Variants in NAALADL1 observed in about 807,000 individuals in gnomAD.
NAALADL1 encodes N-acetylated alpha-linked acidic dipeptidase like 1.
Under a neutral mutation model 82.8 loss-of-function variants are expected in NAALADL1, and 77 were observed. That is an observed-to-expected ratio of 0.93 (90% CI 0.77 to 1.12). The LOEUF (loss-of-function observed/expected upper bound fraction) is 1.12, where lower values mean the gene tolerates loss of function less well. NAALADL1 is among the 50% of genes most tolerant of loss of function. The probability of loss-of-function intolerance (pLI) is 0.00; values close to 1 mark genes in which losing one functional copy is unlikely to be tolerated. For synonymous variants in NAALADL1, 358 were observed against 399.2 expected (o/e 0.90, Z 1.23); for missense variants, 956 against 964.0 (o/e 0.99, Z 0.11).
chr11:65,057,998 T>A lies in NAALADL1; in HGVS notation c.359-2A>T, dbSNP rs1947092406. On this transcript the variant is annotated splice_acceptor_variant, in intron 2 of 17. Coordinates refer to ENST00000358658, the MANE Select transcript of NAALADL1 (RefSeq NM_005468.3). LOFTEE classifies it high-confidence loss of function. ...GGATGATGCCCCCAGTGGGGCCCAC[T>A]GTTGGAGGGGTGGCAGTATCATGGC... 3 of 1,614,162 alleles carry A rather than the reference T, an allele frequency of 1.9e-6. No individual in the cohort carries two copies. The African/African-American group carries it at 4.0e-5, about 22-fold the overall frequency.
At position 65,054,343 on chromosome 11, in the gene NAALADL1, C is replaced by CCGT; in HGVS notation, c.896_898dup (p.Asn299_Gly300insAsp). On this transcript the variant is annotated inframe_insertion, in exon 6 of 18. Coordinates refer to ENST00000358658, the MANE Select transcript of NAALADL1 (RefSeq NM_005468.3). The surrounding 1 kb of genome is among the most constrained non-coding windows in gnomAD (Gnocchi z 4.3). ...CTGCCAGGTGGCTGGGGCCAAAGTTCCGTTGAGGTTACTGGGGAGGAGGAA... is the reference window on the plus strand; with the variant it reads ...CTGCCAGGTGGCTGGGGCCAAAGTTCCGTCGTTGAGGTTACTGGGGAGGAGGAA... 6.2e-7 allele frequency: 1 copy of CCGT among 1,613,992 alleles called. No homozygotes were observed. The highest frequency in any genetic ancestry group is 8.5e-7 in the Non-Finnish European group (1 of 1,179,972).
rs1417876086 is a variant in NAALADL1 at position 65,053,015 on chromosome 11, T to G, written c.1198+203A>C. Among the ~76,000 whole-genome samples, 1 of 152,244 alleles carries G rather than the reference T, an allele frequency of 6.6e-6. No homozygotes were observed. The highest frequency in any genetic ancestry group is 1.5e-5 in the Non-Finnish European group (1 of 68,046). On this transcript the variant is annotated intron_variant, in intron 8 of 17. Coordinates refer to ENST00000358658, the MANE Select transcript of NAALADL1 (RefSeq NM_005468.3). This position sits in a 1 kb window ranked among gnomAD's most constrained non-coding sequence, Gnocchi z 4.3. ...TCCATCCAGGCACACGGGAGGCACTTGGAAGCGGCACATGAATCAACCCAC... is the reference window on the plus strand; with the variant it reads ...TCCATCCAGGCACACGGGAGGCACTGGGAAGCGGCACATGAATCAACCCAC...
At position 65,053,218 on chromosome 11, in the gene NAALADL1, C is replaced by T; in HGVS notation, c.1198G>A (p.Gly400Ser). The T allele has an allele frequency of 6.5e-7, 1 of 1,540,812 alleles. No homozygotes were observed. The highest frequency in any genetic ancestry group is 2.4e-5 in the East Asian group (1 of 41,362). Residue 400 changes from glycine (G) to serine (S), a missense_variant and splice_region_variant, in exon 8 of 18, where the codon GGC (glycine) becomes AGC (serine). Gly to Ser is a moderately conservative substitution (Grantham distance 56). Transcript: ENST00000358658. The surrounding 1 kb of genome is among the most constrained non-coding windows in gnomAD (Gnocchi z 4.3). The stretch of plus-strand genomic sequence containing the variant: ...GGTCCAGGGGAGGGGGCCGCCTCAC[C>T]CTTCTTCAGCAGGGTCCCCAGGACA... ...SRVLGTLLKK[G>S]TWRPRRSIVF...
At chr11:65,058,778 C>T (rs1462055565), upstream of NAALADL1, among the ~76,000 whole-genome samples, 1 of 152,194 alleles carries the variant, frequency 6.6e-6, no homozygotes, top group Non-Finnish European at 1.5e-5. Flanking sequence ...GGAAGGGGCT[C>T]ATCCAGGGTG....
chr11:65,045,149 GAGA>G lies in NAALADL1; in HGVS notation c.*119_*121del. On this transcript the variant is annotated 3_prime_UTR_variant, in exon 18 of 18. Transcript: ENST00000358658. ...CCTCAGGGACCTCAAGCTGTTGCCT[GAGA>G]AGCTTGAGAGGGTCCTGTGGTAGTG... The G allele has an allele frequency of 8.9e-7, 1 of 1,123,370 alleles. No homozygotes were observed. The highest frequency in any genetic ancestry group is 2.6e-5 in the East Asian group (1 of 38,560). 69.6% of individuals were successfully genotyped at this position (1,123,370 alleles called of 1,614,324 possible). A position where few individuals can be genotyped will look rare whatever the true frequency, so the allele number is the denominator to read the frequency against.
At chr11:65,051,341 T>C (rs1946884085) in intron 8 of NAALADL1, among the ~76,000 whole-genome samples, 1 of 76,554 alleles carries the variant, frequency 1.3e-5, no homozygotes, top group Non-Finnish European at 2.4e-5. Flanking sequence ...TTTTTTTTTT[T>C]TTTTTTTTTT....
In NAALADL1 at chr11:65,047,713, A is replaced by C; in HGVS notation, c.1442T>G (p.Leu481Arg). 2 of 1,606,058 alleles carry C rather than the reference A, an allele frequency of 1.2e-6. No homozygotes were observed. Among genetic ancestry groups the C allele is most frequent in the South Asian group, 2.2e-5 (2 of 88,938 alleles). Residue 481 changes from leucine (L) to arginine (R), a missense_variant, in exon 12 of 18, where the codon CTG becomes CGG. By Grantham distance (102) the Leu-to-Arg change is moderately radical. Transcript: ENST00000358658. The stretch of plus-strand genomic sequence containing the variant: ...CCGGATCCAGTTGTCGTAGATGCTC[A>C]GGTCGCCAGGGCCTGGTGAGCGGAT... The part of the protein sequence containing the change: ...KEIRSPGPGD[L>R]SIYDNWIRYF...
chr11:65,054,242 C>A lies in NAALADL1; in HGVS notation c.992+8G>T, dbSNP rs773048798. The stretch of plus-strand genomic sequence containing the variant: ...AACTGAGGGAGACCTGGTCTGGCTG[C>A]ATCTCACCTGTCTGCTGGGAAGTCT... On this transcript the variant is annotated splice_region_variant and intron_variant, in intron 6 of 17. Transcript: ENST00000358658. This position sits in a 1 kb window ranked among gnomAD's most constrained non-coding sequence, Gnocchi z 4.3. 1.2e-4 allele frequency: 201 copies of A among 1,612,200 alleles called. 3 individuals carry two copies. In the South Asian group the frequency reaches 2.1e-3, roughly 17 times the overall value.
rs759588205 is a variant in NAALADL1 at position 65,045,357 on chromosome 11, A to G, written c.2137T>C (p.Trp713Arg). Residue 713 changes from tryptophan (W) to arginine (R), a missense_variant, in exon 18 of 18, where the codon TGG (tryptophan) becomes CGG (arginine). By Grantham distance (101) the Trp-to-Arg change is moderately radical. Coordinates refer to ENST00000358658, the MANE Select transcript of NAALADL1 (RefSeq NM_005468.3). ...CTGAGCTGTCTCTGGACCTCAGCCCAAGCTTCAGATCCAGAAGCTGTGTCC... is the reference window on the plus strand; with the variant it reads ...CTGAGCTGTCTCTGGACCTCAGCCCGAGCTTCAGATCCAGAAGCTGTGTCC... ...ARDTASGSEAWAEVQRQLSIV... is the reference protein window; with the variant it reads ...ARDTASGSEARAEVQRQLSIV... 6 of 1,610,958 alleles carry G rather than the reference A, an allele frequency of 3.7e-6. No individual in the cohort carries two copies. In the South Asian group the frequency reaches 6.6e-5, roughly 18 times the overall value.
chr11:65,045,622 G>A, intron 17 of NAALADL1, 165 bp from the exon 18 acceptor site: 1 of 908,050 alleles, frequency 1.1e-6, no homozygotes, highest in Non-Finnish European at 1.6e-6. Context: ...GCGGTCGGGG[G>A]AGGAAATGTG....
At chr11:65,059,421 G>GA (rs1201809559), upstream of NAALADL1, among the ~76,000 whole-genome samples, 2 of 152,174 alleles carry the variant, frequency 1.3e-5, no homozygotes, top group African/African-American at 4.8e-5. Context: ...TCTGACTCTG[G>GA]AAAATGTAAG....
intron 17 of NAALADL1, 69 bp downstream of exon 17, chr11:65,045,753 C>T (rs1483461832): frequency 7.7e-6 from 11 of 1,432,594 alleles, no homozygotes; most frequent in African/African-American, 5.6e-5. Context: ...CTGACCACCT[C>T]GTCTCAGGTG....
At chr11:65,057,220 C>A in intron 4 of NAALADL1, 151 bp downstream of exon 4, 1 of 1,196,306 alleles carries the variant, frequency 8.4e-7, no homozygotes, top group Non-Finnish European at 1.1e-6. Flanking sequence ...GGTGGGACAA[C>A]CCGAAAACAC....
chr11:65,044,978 A>G lies in NAALADL1; in HGVS notation c.*293T>C. 2 of 618,516 alleles carry G rather than the reference A, an allele frequency of 3.2e-6. No homozygotes were observed. Among genetic ancestry groups the G allele is most frequent in the Non-Finnish European group, 5.6e-6 (2 of 358,850 alleles). The allele number at this position is 618,516 out of a possible 1,614,324, so 38.3% of individuals were successfully genotyped here. On this transcript the variant is annotated 3_prime_UTR_variant, in exon 18 of 18. Coordinates refer to ENST00000358658, the MANE Select transcript of NAALADL1 (RefSeq NM_005468.3). The surrounding 1 kb of genome is among the most constrained non-coding windows in gnomAD (Gnocchi z 4.0). ...CTTGGCCTTGATGACCTGAGTTGGCATCTGAGGTTGGCACGCATCCCATCT... is the reference window on the plus strand; with the variant it reads ...CTTGGCCTTGATGACCTGAGTTGGCGTCTGAGGTTGGCACGCATCCCATCT...
chr11:65,057,951 TC>T lies in NAALADL1; in HGVS notation c.403del (p.Glu135ArgfsTer3), dbSNP rs1289011174. On this transcript the variant is annotated frameshift_variant, in exon 3 of 18. Coordinates refer to ENST00000358658, the MANE Select transcript of NAALADL1 (RefSeq NM_005468.3). LOFTEE classifies it high-confidence loss of function. The stretch of plus-strand genomic sequence containing the variant: ...CCCCCCTTGCTCCCCGGTCACGTTC[TC>T]CTCAGTCCGGTGGCAGGAGTGGATG... ...GIIHSCHRTE[E>X]NVTGEQGGPD... 1.2e-6 allele frequency: 2 copies of T among 1,614,026 alleles called. No individual in the cohort carries two copies. The highest frequency in any genetic ancestry group is 2.7e-5 in the African/African-American group (2 of 74,916).
rs569719752 is a variant in NAALADL1 at position 65,058,213 on chromosome 11, G to T, written c.223C>A (p.Arg75=). 1.9e-6 allele frequency: 3 copies of T among 1,613,632 alleles called. No individual in the cohort carries two copies. ...SREPHLASSP[R]DEDLVQLLLQ... is the part of the protein sequence containing the mutation. ...AGCAGCTGCACCAGGTCCTCATCCC[G>T]AGGGCTGGAGGCCAGGTGTGGCTCC... Residue 75 remains arginine, a synonymous_variant, in exon 2 of 18, where the codon CGG becomes AGG. Transcript: ENST00000358658.
chr11:65,053,405 T>C lies in NAALADL1; in HGVS notation c.1079-68A>G. 6.2e-7 allele frequency: 1 copy of C among 1,610,220 alleles called. No homozygotes were observed. The highest frequency in any genetic ancestry group is 8.5e-7 in the Non-Finnish European group (1 of 1,178,666). Reference sequence around the variant, plus strand: ...GGTGGGCAGGGGGAGCTGGGCTGGGTGGTGGCAAGGGCAGGGCTGGATGAG... The same window carrying C: ...GGTGGGCAGGGGGAGCTGGGCTGGGCGGTGGCAAGGGCAGGGCTGGATGAG... On this transcript the variant is annotated intron_variant, in intron 7 of 17. Transcript: ENST00000358658. The surrounding 1 kb of genome is among the most constrained non-coding windows in gnomAD (Gnocchi z 4.3).
In NAALADL1 at chr11:65,053,283, T is replaced by C. The variant is rs1946939694; in HGVS notation, c.1133A>G (p.Asp378Gly). ...HRDSWVHGAV[D>G]PSSGTAVLLE... Reference sequence around the variant, plus strand: ...GAGGACGGCGGTGCCACTGCTGGGGTCCACAGCCCCGTGCACCCAGCTGTC... The same window carrying C: ...GAGGACGGCGGTGCCACTGCTGGGGCCCACAGCCCCGTGCACCCAGCTGTC... The change falls in exon 8 of 18, where the codon GAC (aspartate) becomes GGC (glycine). Residue 378 changes from aspartate to glycine, a missense_variant. Asp to Gly is a moderately conservative substitution (Grantham distance 94). Coordinates refer to ENST00000358658, the MANE Select transcript of NAALADL1 (RefSeq NM_005468.3). The surrounding 1 kb of genome is among the most constrained non-coding windows in gnomAD (Gnocchi z 4.3). 6.4e-7 allele frequency: 1 copy of C among 1,552,794 alleles called. No homozygotes were observed. Among genetic ancestry groups the C allele is most frequent in the Non-Finnish European group, 8.7e-7 (1 of 1,150,148 alleles).
intron 13 of NAALADL1, among the ~76,000 whole-genome samples, chr11:65,047,087 GCATAA>G (rs1191963184): frequency 7.5e-5 from 11 of 145,962 alleles, no homozygotes; most frequent in African/African-American, 2.5e-4. Flanking sequence ...CCTGAATATT[GCATAA>G]CATAACGGCA....
Sources: allele counts gnomAD v4.1 joint callset (sites outside exome capture counted in the v4.1 genomes callset), GRCh38; gene constraint gnomAD v4.1.1; non-coding constraint Gnocchi (gnomAD v3.1); transcripts MANE v1.5; gene names NCBI Gene and HGNC (gene_info 2026-07-23, HGNC 2026-07-21).